Variants in NPTN observed in about 807,000 individuals in gnomAD.
The protein encoded by NPTN is SDR-1.
NPTN carries 5 observed loss-of-function variants against 42.7 expected under a neutral mutation model. That is an observed-to-expected ratio of 0.12 (90% CI 0.06 to 0.25). The LOEUF (loss-of-function observed/expected upper bound fraction) is 0.25, where lower values mean the gene tolerates loss of function less well. Ranked by LOEUF, NPTN falls within the 10% of genes least tolerant of loss-of-function variation. The pLI, the probability that NPTN is intolerant of heterozygous loss-of-function variation, is 1.00. For synonymous variants in NPTN, 180 were observed against 201.9 expected (o/e 0.89, Z 0.92); for missense variants, 307 against 525.4 (o/e 0.58, Z 4.06).
intron 3 of NPTN, among the ~76,000 whole-genome samples, chr15:73,590,309 T>C (rs1466811938): frequency 6.6e-6 from 1 of 152,096 alleles, no homozygotes; most frequent in Non-Finnish European, 1.5e-5. Flanking sequence ...CACAACACCC[T>C]TGGAGAGCTT....
intron 5 of NPTN, 134 bp downstream of exon 5, chr15:73,573,528 C>A (rs1346991638): frequency 3.7e-5 from 36 of 967,264 alleles, no homozygotes; most frequent in Non-Finnish European, 5.3e-5. Context: ...ATGCTGTAAA[C>A]CGTGACTCTA....
chr15:73,623,456 G>T (rs558342954), intron 1 of NPTN, among the ~76,000 whole-genome samples: 1 of 152,312 alleles, frequency 6.6e-6, no homozygotes, highest in African/African-American at 2.4e-5. Flanking sequence ...GGAGGCACAG[G>T]CAGGAGGATC....
At position 73,569,597 on chromosome 15, in the gene NPTN, A is replaced by G; in HGVS notation, c.1114+553T>C. ...GCGCTGGAAACCTATCAAAGGGACC[A>G]ACCAAGGAACCAAAAGCTGGCTTGT... On this transcript the variant is annotated intron_variant, in intron 6 of 8. Transcript: ENST00000345330. This position sits in a 1 kb window ranked among gnomAD's most constrained non-coding sequence, Gnocchi z 4.1. The G allele has an allele frequency of 1.0e-6, 1 of 985,470 alleles. No individual in the cohort carries two copies. Among genetic ancestry groups the G allele is most frequent in the South Asian group, 4.7e-5 (1 of 21,288 alleles). The allele number at this position is 985,470 out of a possible 1,614,324, so 61.0% of individuals were successfully genotyped here.
At chr15:73,598,243 A>G (rs1207501040) in intron 1 of NPTN, among the ~76,000 whole-genome samples, 1 of 152,142 alleles carries the variant, frequency 6.6e-6, no homozygotes, top group African/African-American at 2.4e-5. Context: ...CTGAAAAGCT[A>G]TGGTATTTGA....
rs775236275 is a variant in NPTN, at chr15:73,570,447, AAG to A, written c.841-26_841-25del. ...TCCTGCAAAAAAGTGAGAATACACA[AAG>A]GTGAGAGTGAGTAACTGAGCTAATG... On this transcript the variant is annotated intron_variant, in intron 5 of 8. Coordinates refer to ENST00000345330, the MANE Select transcript of NPTN (RefSeq NM_012428.4). This position sits in a 1 kb window ranked among gnomAD's most constrained non-coding sequence, Gnocchi z 4.0. The A allele has an allele frequency of 1.9e-6, 3 of 1,601,718 alleles. No homozygotes were observed. In the South Asian group the frequency reaches 3.3e-5, roughly 18 times the overall value.
At chr15:73,620,889 CT>C (rs1345352718) in intron 1 of NPTN, among the ~76,000 whole-genome samples, 5 of 152,194 alleles carry the variant, frequency 3.3e-5, no homozygotes, top group African/African-American at 1.2e-4. Flanking sequence ...ACTTCAATGT[CT>C]TTCTGTCCAG....
rs189387698 is a variant in NPTN, at chr15:73,631,292, T to C, written c.91+1833A>G. On this transcript the variant is annotated intron_variant, in intron 1 of 8. Coordinates refer to ENST00000345330, the MANE Select transcript of NPTN (RefSeq NM_012428.4). ...GCTTCTTTAAGTCATGTTGACACAG[T>C]CGAAAAACTGATAAGACAAATAAGA... Among the ~76,000 whole-genome samples, 344 of 152,300 alleles carry C rather than the reference T, an allele frequency of 2.3e-3. 1 individual carries two copies. Among genetic ancestry groups the C allele is most frequent in the Non-Finnish European group, 3.7e-3 (253 of 68,028 alleles).
chr15:73,561,210 G>A (rs889089580), intron 8 of NPTN, among the ~76,000 whole-genome samples, 162 bp from the exon 9 acceptor site: 5 of 152,216 alleles, frequency 3.3e-5, no homozygotes, highest in African/African-American at 1.2e-4. Flanking sequence ...TGGCCCTGCT[G>A]CTACCTGGCC....
intron 6 of NPTN, among the ~76,000 whole-genome samples, chr15:73,566,095 T>C (rs1894982904): frequency 6.6e-6 from 1 of 152,212 alleles, no homozygotes; most frequent in Non-Finnish European, 1.5e-5. Context: ...TACTTCCTAT[T>C]TCCTTCCTTG....
intron 1 of NPTN, 31 bp downstream of exon 1, chr15:73,633,094 C>A (rs1898852148): frequency 1.4e-6 from 2 of 1,394,890 alleles, no homozygotes; most frequent in Non-Finnish European, 1.9e-6. Flanking sequence ...CCCTCAACCC[C>A]CGCCCGGCCC....
intron 5 of NPTN, among the ~76,000 whole-genome samples, chr15:73,572,076 GCTC>G (rs908720063): frequency 6.6e-6 from 1 of 152,120 alleles, no homozygotes; most frequent in Non-Finnish European, 1.5e-5. Context: ...TCCTCATCCT[GCTC>G]CTCGTTAACG....
At chr15:73,571,652 G>A (rs1445292105) in intron 5 of NPTN, among the ~76,000 whole-genome samples, 1 of 152,214 alleles carries the variant, frequency 6.6e-6, no homozygotes, top group African/African-American at 2.4e-5. Context: ...TGCACAGGCA[G>A]AGGTCGGGAC....
rs918879230 is a variant in NPTN, at chr15:73,580,259, C to T, written c.707-6464G>A. 1.2e-4 allele frequency among the ~76,000 whole-genome samples: 18 copies of T among 150,964 alleles called. No homozygotes were observed. The East Asian group carries it at 3.5e-3, about 29-fold the overall frequency. ...GGAGGGAGACCATTAGGACAAACAC[C>T]TAATGCATGTGGGGCTTAAAACCTA... On this transcript the variant is annotated intron_variant, in intron 4 of 8. Coordinates refer to ENST00000345330, the MANE Select transcript of NPTN (RefSeq NM_012428.4).
chr15:73,633,279 G>T lies in NPTN; in HGVS notation c.-64C>A. ...CCAGAGCCGGGGCCGGGGAAGGGAGGGGAGGGAGGGAGGGGGCGGGCGAGT... is the reference window on the plus strand; with the variant it reads ...CCAGAGCCGGGGCCGGGGAAGGGAGTGGAGGGAGGGAGGGGGCGGGCGAGT... On this transcript the variant is annotated 5_prime_UTR_variant, in exon 1 of 9. Coordinates refer to ENST00000345330, the MANE Select transcript of NPTN (RefSeq NM_012428.4). 9.1e-7 allele frequency: 1 copy of T among 1,104,290 alleles called. No individual in the cohort carries two copies. Among genetic ancestry groups the T allele is most frequent in the South Asian group, 1.7e-5 (1 of 57,224 alleles). The allele number at this position is 1,104,290 out of a possible 1,614,324, so 68.4% of individuals were successfully genotyped here. A position where few individuals can be genotyped will look rare whatever the true frequency, so the allele number is the denominator to read the frequency against.
intron 1 of NPTN, among the ~76,000 whole-genome samples, chr15:73,616,133 T>C (rs550691983): frequency 6.6e-6 from 1 of 152,330 alleles, no homozygotes; most frequent in South Asian, 2.1e-4. Flanking sequence ...TGGACATATA[T>C]ATAAGTATCT....
Position 73,569,603 on chromosome 15 carries a change from G to A in NPTN, c.1114+547C>T, listed in dbSNP as rs1485432825. On this transcript the variant is annotated intron_variant, in intron 6 of 8. Transcript: ENST00000345330. This position sits in a 1 kb window ranked among gnomAD's most constrained non-coding sequence, Gnocchi z 4.1. The stretch of plus-strand genomic sequence containing the variant: ...GAAACCTATCAAAGGGACCAACCAA[G>A]GAACCAAAAGCTGGCTTGTTCCAAT... 10 of 985,332 alleles carry A rather than the reference G, an allele frequency of 1.0e-5. No individual in the cohort carries two copies. The highest frequency in any genetic ancestry group is 1.2e-5 in the Non-Finnish European group (10 of 829,946). 61.0% of individuals were successfully genotyped at this position (985,332 alleles called of 1,614,324 possible).
intron 4 of NPTN, among the ~76,000 whole-genome samples, chr15:73,579,925 TA>T (rs1895901248): frequency 6.6e-6 from 1 of 152,168 alleles, no homozygotes; most frequent in African/African-American, 2.4e-5. Context: ...AGCTGCTCCC[TA>T]ATTACTGACT....
chr15:73,626,907 T>C (rs1471192956), intron 1 of NPTN, among the ~76,000 whole-genome samples: 2 of 152,194 alleles, frequency 1.3e-5, no homozygotes, highest in Non-Finnish European at 2.9e-5. Context: ...GGGTGACCGA[T>C]GATTTTTAAT....
intron 1 of NPTN, among the ~76,000 whole-genome samples, chr15:73,620,996 G>A (rs916669330): frequency 6.6e-6 from 1 of 152,114 alleles, no homozygotes; most frequent in Non-Finnish European, 1.5e-5. Flanking sequence ...ACATCAGATT[G>A]TTTTTTCTTC....
Sources: allele counts gnomAD v4.1 joint callset (sites outside exome capture counted in the v4.1 genomes callset), GRCh38; gene constraint gnomAD v4.1.1; non-coding constraint Gnocchi (gnomAD v3.1); transcripts MANE v1.5; gene names NCBI Gene and HGNC (gene_info 2026-07-23, HGNC 2026-07-21).